The following MANBA variants were observed in gnomAD, a reference collection of about 807,000 sequenced individuals.
MANBA encodes beta-mannosidase.
Under a neutral mutation model 111.1 loss-of-function variants are expected in MANBA, and 83 were observed. That is an observed-to-expected ratio of 0.75 (90% CI 0.63 to 0.90). MANBA has a LOEUF of 0.90. Among genes scored for constraint, MANBA ranks in the 40% least tolerant of loss-of-function variants. MANBA has a pLI of 0.00. For synonymous variants in MANBA, 370 were observed against 378.7 expected, an observed-to-expected ratio of 0.98 and a Z score of 0.27; for missense variants, 1,036 against 1,069.0, an observed-to-expected ratio of 0.97 and a Z score of 0.43.
intron 8 of MANBA, chr4:102,671,861 C>G: frequency 2.3e-6 from 1 of 425,938 alleles, no homozygotes; most frequent in Non-Finnish European, 4.1e-6. Context: ...AATTCCTATT[C>G]ACATTACCCT....
At chr4:102,704,303 G>A (rs141031735) in intron 5 of MANBA, among the ~76,000 whole-genome samples, 2 of 152,032 alleles carry the variant, frequency 1.3e-5, no homozygotes, top group Non-Finnish European at 2.9e-5. Context: ...CTCAGCCTCC[G>A]AATACTTGGG....
chr4:102,635,946 C>T lies in MANBA; in HGVS notation c.2076G>A (p.Leu692=). ...YFAQNFFAPL[L]PVGFENENTF... ...TGTTTTCATTCTCAAAGCCTACTGGCAACAGTGGAGCAAAGAAATTCTGAG... is the reference window on the plus strand; with the variant it reads ...TGTTTTCATTCTCAAAGCCTACTGGTAACAGTGGAGCAAAGAAATTCTGAG... The change falls in exon 15 of 17, where the codon TTG becomes TTA. Residue 692 remains leucine (L), a synonymous_variant. Coordinates refer to ENST00000647097, the MANE Select transcript of MANBA (RefSeq NM_005908.4). The T allele has an allele frequency of 6.2e-7, 1 of 1,612,628 alleles. No homozygotes were observed. The highest frequency in any genetic ancestry group is 8.5e-7 in the Non-Finnish European group (1 of 1,178,632).
intron 7 of MANBA, among the ~76,000 whole-genome samples, chr4:102,685,197 G>A (rs952473287): frequency 6.6e-6 from 1 of 152,068 alleles, no homozygotes; most frequent in Non-Finnish European, 1.5e-5. Context: ...AGTAATTAAT[G>A]TTCTGTTTCT....
chr4:102,746,172 C>T (rs1348832063), intron 1 of MANBA, among the ~76,000 whole-genome samples: 1 of 152,200 alleles, frequency 6.6e-6, no homozygotes, highest in Non-Finnish European at 1.5e-5. Flanking sequence ...TCAGAGTTAA[C>T]AAGCTCAGTG....
chr4:102,659,524 C>A (rs369704149), intron 11 of MANBA, among the ~76,000 whole-genome samples: 8 of 152,114 alleles, frequency 5.3e-5, no homozygotes, highest in African/African-American at 9.7e-5. Context: ...CTATAGCCAA[C>A]AAACTATCTT....
At chr4:102,760,148 G>C (rs1724185995) in intron 1 of MANBA, among the ~76,000 whole-genome samples, 1 of 151,932 alleles carries the variant, frequency 6.6e-6, no homozygotes, top group African/African-American at 2.4e-5. Flanking sequence ...TCATCACCAA[G>C]TTAGCCTTAA....
intron 16 of MANBA, 85 bp from the exon 17 acceptor site, chr4:102,632,366 T>C: frequency 8.8e-7 from 1 of 1,133,348 alleles, no homozygotes; most frequent in Non-Finnish European, 1.3e-6. Flanking sequence ...AACATTTATG[T>C]GGGCTTAACA....
At chr4:102,728,893 A>C (rs1578944574) in intron 1 of MANBA, 1 of 756,900 alleles carries the variant, frequency 1.3e-6, no homozygotes, top group Non-Finnish European at 2.3e-6. Flanking sequence ...GGAGGCCCCC[A>C]CAGGCCGAGC....
chr4:102,656,082 G>A (rs1467737258), intron 12 of MANBA, among the ~76,000 whole-genome samples: 3 of 151,998 alleles, frequency 2.0e-5, no homozygotes, highest in Admixed American at 1.3e-4. Context: ...GTGAAACTCC[G>A]TCTCTATAAA....
intron 1 of MANBA, among the ~76,000 whole-genome samples, chr4:102,747,938 T>C (rs547158360): frequency 6.6e-6 from 1 of 152,296 alleles, no homozygotes; most frequent in East Asian, 1.9e-4. Flanking sequence ...GACTGAAGTG[T>C]AGCGGTGGGG....
intron 1 of MANBA, chr4:102,729,097 G>A: frequency 1.3e-6 from 1 of 750,430 alleles, no homozygotes; most frequent in Non-Finnish European, 2.5e-6. Flanking sequence ...CCTGCTGCAG[G>A]GCGGCCTCCA....
At chr4:102,702,526 TG>T (rs1553949908) in intron 5 of MANBA, among the ~76,000 whole-genome samples, 1 of 152,160 alleles carries the variant, frequency 6.6e-6, no homozygotes, top group Non-Finnish European at 1.5e-5. Flanking sequence ...GATGTACAGA[TG>T]GGTTTTTGGT....
chr4:102,714,641 A>G, intron 4 of MANBA, 80 bp from the exon 5 acceptor site: 2 of 1,370,672 alleles, frequency 1.5e-6, no homozygotes, highest in South Asian at 2.4e-5. Context: ...TTCTTTAAAA[A>G]TGTTACATAT....
rs200610521 is a variant in MANBA at position 102,634,485 on chromosome 4, T to C, written c.2415+303A>G. ...AGCACCTAGAACACAGCCTGGAACC[T>C]AGTGGGCATGCAGGCAGTGGTGATG... On this transcript the variant is annotated intron_variant, in intron 16 of 16. Transcript: ENST00000647097. Among the ~76,000 whole-genome samples, 151 of 104,248 alleles carry C rather than the reference T, an allele frequency of 1.4e-3. 1 individual carries two copies. The East Asian group carries it at 0.033, about 23-fold the overall frequency. The allele number at this position is 104,248 out of a possible 152,430, so 68.4% of individuals were successfully genotyped here. A position where few individuals can be genotyped will look rare whatever the true frequency, so the allele number is the denominator to read the frequency against.
chr4:102,703,023 G>A (rs28743101), intron 5 of MANBA, among the ~76,000 whole-genome samples: 4,235 of 152,294 alleles, frequency 0.028, 137 homozygotes, highest in African/African-American at 0.078. Context: ...TATAACAGAT[G>A]CCCAATATAG....
chr4:102,703,901 C>A (rs564159724), intron 5 of MANBA, among the ~76,000 whole-genome samples: 1 of 152,086 alleles, frequency 6.6e-6, no homozygotes, highest in African/African-American at 2.4e-5. Flanking sequence ...CAAGACCATC[C>A]CCACTAACAC....
chr4:102,667,876 T>C (rs1477810741), intron 10 of MANBA: 3 of 152,184 alleles, frequency 2.0e-5, no homozygotes, highest in Non-Finnish European at 4.4e-5. Flanking sequence ...CAGAGCACTA[T>C]AAAAACTCAA....
chr4:102,660,679 C>CACCTGGCCTCAAAT, intron 11 of MANBA, among the ~76,000 whole-genome samples: 1 of 151,486 alleles, frequency 6.6e-6, no homozygotes, highest in African/African-American at 2.4e-5. Context: ...TGGTCTCAAA[C>CACCTGGCCTCAAAT]TCCTGGCCTC....
chr4:102,734,599 C>A, intron 1 of MANBA: 1 of 1,605,160 alleles, frequency 6.2e-7, no homozygotes, highest in African/African-American at 1.3e-5. Flanking sequence ...AAGAAAGAGA[C>A]CAAGAAGAAG....
Sources: gnomAD v4.1 joint callset for allele counts (sites outside exome capture counted in the v4.1 genomes callset) on GRCh38, gnomAD v4.1.1 for gene constraint, MANE v1.5 for transcripts, NCBI Gene and HGNC (gene_info 2026-07-23, HGNC 2026-07-21) for gene names.